The following PPP2R5E variants were observed in gnomAD, a reference collection of about 807,000 sequenced individuals.
PPP2R5E encodes the protein protein phosphatase 2 regulatory subunit B'epsilon.
Under a neutral mutation model 65.3 loss-of-function variants are expected in PPP2R5E, and 4 were observed. The ratio of observed to expected loss-of-function variants is 0.06; its 90% CI spans 0.03 to 0.14. The LOEUF (loss-of-function observed/expected upper bound fraction) is 0.14. PPP2R5E is among the 10% of genes least tolerant of loss of function. The probability of loss-of-function intolerance (pLI) is 1.00; values close to 1 mark genes in which losing one functional copy is unlikely to be tolerated. For synonymous variants in PPP2R5E, 183 were observed against 187.4 expected, an observed-to-expected ratio of 0.98 and a Z score of 0.19; for missense variants, 274 against 556.1, an observed-to-expected ratio of 0.49 and a Z score of 5.10.
At chr14:63,406,394 G>C (rs754014586) in intron 5 of PPP2R5E, among the ~76,000 whole-genome samples, 47 of 146,404 alleles carry the variant, frequency 3.2e-4, no homozygotes, top group Admixed American at 6.2e-4. Flanking sequence ...CTGGGTGACA[G>C]AGCTAGACTT....
chr14:63,428,164 C>A (rs570640742), intron 3 of PPP2R5E, among the ~76,000 whole-genome samples: 86 of 152,316 alleles, frequency 5.6e-4, no homozygotes, highest in African/African-American at 2.0e-3. Flanking sequence ...AGACCTCCAG[C>A]AGCAAACATC....
chr14:63,530,630 C>CTTT (rs954359159), intron 2 of PPP2R5E, among the ~76,000 whole-genome samples: 258 of 81,296 alleles, frequency 3.2e-3, no homozygotes, highest in Middle Eastern at 0.012. Flanking sequence ...CTCTCAATTT[C>CTTT]TTTTTTTTTT....
intron 2 of PPP2R5E, among the ~76,000 whole-genome samples, chr14:63,521,607 G>C (rs1892909649): frequency 6.6e-6 from 1 of 152,160 alleles, no homozygotes; most frequent in African/African-American, 2.4e-5. Flanking sequence ...AGGTTGCAGT[G>C]AGCTGAGATC....
chr14:63,538,225 G>C (rs1302046003), intron 2 of PPP2R5E, among the ~76,000 whole-genome samples: 1 of 151,800 alleles, frequency 6.6e-6, no homozygotes, highest in Non-Finnish European at 1.5e-5. Context: ...TTGAGCCTAG[G>C]AAATAGAGGC....
At chr14:63,423,763 G>A (rs904499233) in intron 3 of PPP2R5E, among the ~76,000 whole-genome samples, 8 of 152,144 alleles carry the variant, frequency 5.3e-5, no homozygotes, top group South Asian at 2.1e-4. Context: ...TGCCTATTAC[G>A]TGTACACACT....
rs59136244 is a variant in PPP2R5E, at chr14:63,411,236, A to G, written c.549+3904T>C. On this transcript the variant is annotated intron_variant, in intron 5 of 13. Transcript: ENST00000337537. ...ATCTAATAGTCTCTATGTTCTCCATACAACCAAAATTAAGAAATGCAGGAA... is the reference window on the plus strand; with the variant it reads ...ATCTAATAGTCTCTATGTTCTCCATGCAACCAAAATTAAGAAATGCAGGAA... Among the ~76,000 whole-genome samples, 142 of 152,310 alleles carry G rather than the reference A, an allele frequency of 9.3e-4. 6 individuals carry two copies. In the East Asian group the frequency reaches 0.023, roughly 24 times the overall value.
intron 13 of PPP2R5E, among the ~76,000 whole-genome samples, chr14:63,376,470 T>C (rs1414501933): frequency 2.0e-5 from 3 of 152,230 alleles, no homozygotes; most frequent in African/African-American, 7.2e-5. Context: ...AATTCTTCAG[T>C]AGTTTAGAAG....
intron 2 of PPP2R5E, among the ~76,000 whole-genome samples, chr14:63,467,022 C>G (rs1343855123): frequency 2.0e-5 from 3 of 151,932 alleles, no homozygotes; most frequent in Admixed American, 6.6e-5. Context: ...GTCAGGAGAT[C>G]GAGACCATCC....
intron 2 of PPP2R5E, among the ~76,000 whole-genome samples, chr14:63,471,167 G>C (rs947833028): frequency 2.6e-5 from 4 of 152,202 alleles, no homozygotes; most frequent in African/African-American, 9.7e-5. Context: ...ATAAAAATGC[G>C]TAAGTTTCAA....
intron 2 of PPP2R5E, among the ~76,000 whole-genome samples, chr14:63,519,803 A>G (rs1892820727): frequency 6.7e-6 from 1 of 149,914 alleles, no homozygotes; most frequent in African/African-American, 2.5e-5. Flanking sequence ...CTGGGATTAC[A>G]GGCATGTGCC....
intron 2 of PPP2R5E, among the ~76,000 whole-genome samples, chr14:63,517,147 G>A (rs1019682857): frequency 3.3e-4 from 50 of 151,942 alleles, no homozygotes; most frequent in African/African-American, 1.2e-3. Context: ...TGTTAACTAT[G>A]ACACCCTGAG....
rs187904677 is a variant in PPP2R5E at position 63,540,315 on chromosome 14, C to T, written c.-7-623G>A. Among the ~76,000 whole-genome samples the T allele has an allele frequency of 3.5e-3, 533 of 151,110 alleles. 3 individuals carry two copies. The highest frequency in any genetic ancestry group is 4.7e-3 in the Non-Finnish European group (322 of 67,868). On this transcript the variant is annotated intron_variant, in intron 1 of 13. Transcript: ENST00000337537. ...GCGCAGTGGCATGCACCTGTAATCT[C>T]AGCTACTCAAGAGGCTGAGAAGGGA...
chr14:63,460,870 A>C lies in PPP2R5E; in HGVS notation c.158-6985T>G, dbSNP rs78451429. Reference sequence around the variant, plus strand: ...CTATGATCTAATCAGAAGAAATAGAAAATATACTCACACGCACACATACAC... The same window carrying C: ...CTATGATCTAATCAGAAGAAATAGACAATATACTCACACGCACACATACAC... On this transcript the variant is annotated intron_variant, in intron 2 of 13. Transcript: ENST00000337537. Among the ~76,000 whole-genome samples, 5 of 152,184 alleles carry C rather than the reference A, an allele frequency of 3.3e-5. No individual in the cohort carries two copies. The East Asian group carries it at 9.6e-4, about 29-fold the overall frequency.
chr14:63,498,386 T>C (rs201239715), intron 2 of PPP2R5E, among the ~76,000 whole-genome samples: 1 of 133,792 alleles, frequency 7.5e-6, no homozygotes. Context: ...CTTTTCTTTT[T>C]TTCTTTTTAA....
intron 2 of PPP2R5E, among the ~76,000 whole-genome samples, chr14:63,516,145 G>A (rs187480058): frequency 2.6e-4 from 39 of 152,118 alleles, no homozygotes; most frequent in Middle Eastern, 3.4e-3. Context: ...CACCACACCC[G>A]GCATAGCCAC....
chr14:63,434,731 C>T (rs1260430507), intron 3 of PPP2R5E, among the ~76,000 whole-genome samples: 2 of 152,188 alleles, frequency 1.3e-5, no homozygotes, highest in African/African-American at 4.8e-5. Flanking sequence ...GAGAATTCTC[C>T]TCCCACCTCC....
intron 2 of PPP2R5E, among the ~76,000 whole-genome samples, chr14:63,489,656 CT>C (rs1891190871): frequency 6.6e-6 from 1 of 152,032 alleles, no homozygotes; most frequent in Admixed American, 6.6e-5. Context: ...GCAATCTGCC[CT>C]CTGGCCTTCC....
At chr14:63,401,873 C>G (rs539789963) in intron 5 of PPP2R5E, among the ~76,000 whole-genome samples, 1 of 152,034 alleles carries the variant, frequency 6.6e-6, no homozygotes, top group Non-Finnish European at 1.5e-5. Context: ...GTTCACACCA[C>G]GGAACCCTTA....
At chr14:63,417,018 G>A (rs1886732686) in intron 4 of PPP2R5E, among the ~76,000 whole-genome samples, 1 of 152,108 alleles carries the variant, frequency 6.6e-6, no homozygotes, top group South Asian at 2.1e-4. Context: ...TTAAAGATTA[G>A]TTGCAACACA....
Sources: gnomAD v4.1 joint callset for allele counts (sites outside exome capture counted in the v4.1 genomes callset) on GRCh38, gnomAD v4.1.1 for gene constraint, MANE v1.5 for transcripts, NCBI Gene and HGNC (gene_info 2026-07-23, HGNC 2026-07-21) for gene names.